Variants in TCAIM observed in about 807,000 individuals in gnomAD.
The protein encoded by TCAIM is T cell activation inhibitor, mitochondrial, also known as T-cell activation inhibitor, mitochondrial.
TCAIM carries 36 observed loss-of-function variants against 58.6 expected under a neutral mutation model. The observed-to-expected ratio is 0.61, with a 90% CI of 0.47 to 0.81. TCAIM has a LOEUF of 0.81. Ranked by LOEUF, TCAIM falls within the 30% of genes least tolerant of loss-of-function variation. The pLI, the probability that TCAIM is intolerant of heterozygous loss-of-function variation, is 0.00. For missense variants in TCAIM, 466 were observed against 579.6 expected (o/e 0.80, Z 2.01); for synonymous variants, 172 against 193.6 (o/e 0.89, Z 0.93).
intron 5 of TCAIM, among the ~76,000 whole-genome samples, chr3:44,380,647 A>C (rs1344224934): frequency 2.0e-5 from 3 of 152,174 alleles, no homozygotes; most frequent in African/African-American, 4.8e-5. Flanking sequence ...TAAAGATTAG[A>C]GCAGATAACC....
chr3:44,375,531 C>G (rs1410311335), intron 5 of TCAIM, among the ~76,000 whole-genome samples: 2 of 152,204 alleles, frequency 1.3e-5, no homozygotes, highest in Non-Finnish European at 2.9e-5. Flanking sequence ...AGTTCTGCCT[C>G]CATGACCCAA....
At chr3:44,378,395 A>C (rs575713966) in intron 5 of TCAIM, among the ~76,000 whole-genome samples, 25 of 149,310 alleles carry the variant, frequency 1.7e-4, no homozygotes, top group South Asian at 4.3e-4. Flanking sequence ...CTACCCCCCC[A>C]AAAAAAAAAT....
At chr3:44,374,887 T>G (rs1188709060) in intron 5 of TCAIM, among the ~76,000 whole-genome samples, 2 of 152,170 alleles carry the variant, frequency 1.3e-5, no homozygotes, top group Non-Finnish European at 2.9e-5. Flanking sequence ...AGTGTAAAAT[T>G]TATGCAATTT....
intron 6 of TCAIM, among the ~76,000 whole-genome samples, chr3:44,393,468 A>G (rs1701872357): frequency 2.0e-5 from 3 of 152,112 alleles, no homozygotes; most frequent in Admixed American, 1.3e-4. Context: ...CTCAATTTAT[A>G]TATATGTTAC....
intron 5 of TCAIM, among the ~76,000 whole-genome samples, chr3:44,374,252 A>G (rs192355012): frequency 2.9e-4 from 44 of 149,556 alleles, no homozygotes; most frequent in African/African-American, 9.6e-4. Flanking sequence ...CAATTTAGTG[A>G]CTCAGGACTA....
At chr3:44,344,023 CT>C (rs5848695) in intron 1 of TCAIM, among the ~76,000 whole-genome samples, 47,700 of 117,742 alleles carry the variant, frequency 0.41, 7,860 homozygotes, top group East Asian at 0.64. Flanking sequence ...GATGGAAATG[CT>C]TTTTTTTTTT....
intron 5 of TCAIM, among the ~76,000 whole-genome samples, chr3:44,375,177 C>T (rs1212870761): frequency 6.6e-6 from 1 of 151,884 alleles, no homozygotes; most frequent in African/African-American, 2.4e-5. Flanking sequence ...CATATTGCTG[C>T]AATTATAATG....
chr3:44,357,624 A>G, intron 2 of TCAIM, 117 bp from the exon 3 acceptor site: 5 of 1,309,700 alleles, frequency 3.8e-6, no homozygotes, highest in South Asian at 4.0e-5. Flanking sequence ...AAAACCACAA[A>G]GTATCTATCT....
chr3:44,352,974 T>C (rs920224571), intron 1 of TCAIM, among the ~76,000 whole-genome samples: 3 of 145,964 alleles, frequency 2.1e-5, no homozygotes, highest in Non-Finnish European at 3.0e-5. Context: ...CATACTGGAG[T>C]GCAAAGACGC....
chr3:44,367,687 C>T lies in TCAIM; in HGVS notation c.551C>T (p.Ser184Leu), dbSNP rs747783116. The change falls in exon 5 of 11, where the codon TCG (serine) becomes TTG (leucine). Residue 184 changes from serine to leucine, a missense_variant. By Grantham distance (145) the Ser-to-Leu change is moderately radical. Transcript: ENST00000342649. ...KDPDEDLEQV[S>L]RVETTLTSWL... Reference sequence around the variant, plus strand: ...CCTGATGAAGACCTTGAACAAGTCTCGAGAGTGGAAACAACTCTCACGTAT... The same window carrying T: ...CCTGATGAAGACCTTGAACAAGTCTTGAGAGTGGAAACAACTCTCACGTAT... The T allele has an allele frequency of 1.4e-5, 22 of 1,611,526 alleles. No homozygotes were observed. The highest frequency in any genetic ancestry group is 1.5e-5 in the Non-Finnish European group (18 of 1,178,278).
intron 1 of TCAIM, among the ~76,000 whole-genome samples, chr3:44,353,910 A>G (rs1410596664): frequency 1.3e-5 from 2 of 152,134 alleles, no homozygotes; most frequent in African/African-American, 4.8e-5. Context: ...TCTTTCACAG[A>G]GCAGAATTTT....
At chr3:44,377,690 A>T (rs1701588230) in intron 5 of TCAIM, among the ~76,000 whole-genome samples, 1 of 152,216 alleles carries the variant, frequency 6.6e-6, no homozygotes, top group South Asian at 2.1e-4. Context: ...CCAAAATGGG[A>T]TGAAGTTAGA....
In TCAIM at chr3:44,367,530, A is replaced by G; in HGVS notation, c.394A>G (p.Ser132Gly). 2 of 1,614,112 alleles carry G rather than the reference A, an allele frequency of 1.2e-6. No individual in the cohort carries two copies. Among genetic ancestry groups the G allele is most frequent in the Non-Finnish European group, 1.7e-6 (2 of 1,180,006 alleles). The change falls in exon 5 of 11, where the codon AGT becomes GGT. Residue 132 changes from serine (S) to glycine (G), a missense_variant. Coordinates refer to ENST00000342649, the MANE Select transcript of TCAIM (RefSeq NM_173826.4). ...AGTGTTATATATTCTCAACTCCTGC[A>G]GTTTATCTGTTGAACATATCCAAAG... ...STVLYILNSC[S>G]LSVEHIQSLN...
chr3:44,372,748 C>A (rs1011627991), intron 5 of TCAIM, among the ~76,000 whole-genome samples: 2 of 152,068 alleles, frequency 1.3e-5, no homozygotes, highest in Non-Finnish European at 2.9e-5. Flanking sequence ...CGCCTGCCAC[C>A]ACACCCGGCT....
intron 1 of TCAIM, among the ~76,000 whole-genome samples, chr3:44,344,875 G>A (rs374985417): frequency 3.4e-4 from 51 of 152,042 alleles, no homozygotes; most frequent in South Asian, 2.1e-4. Flanking sequence ...GTGCTCAGTC[G>A]GGGAGCTTCT....
chr3:44,399,635 T>G (rs1030519456), intron 8 of TCAIM, among the ~76,000 whole-genome samples: 9 of 152,170 alleles, frequency 5.9e-5, no homozygotes, highest in African/African-American at 2.2e-4. Context: ...TTTTCATGGT[T>G]CCATATTTGC....
chr3:44,407,720 G>T lies in TCAIM; in HGVS notation c.*38G>T. ...TTTTATTTTTTTAAGAGATAAGAAA[G>T]GAACTTAAATTAAAAATATTTAAAT... On this transcript the variant is annotated 3_prime_UTR_variant, in exon 11 of 11. Coordinates refer to ENST00000342649, the MANE Select transcript of TCAIM (RefSeq NM_173826.4). 6.6e-7 allele frequency: 1 copy of T among 1,513,736 alleles called. No homozygotes were observed. 93.8% of individuals were successfully genotyped at this position (1,513,736 alleles called of 1,614,324 possible).
chr3:44,394,908 AAAAAAAAAAAAAAATATATATATATAT>A (rs1435383060), intron 6 of TCAIM, among the ~76,000 whole-genome samples: 4 of 51,324 alleles, frequency 7.8e-5, no homozygotes, highest in African/African-American at 1.3e-4. Flanking sequence ...AAAAAAAAAA[AAAAAAAAAAAAAAATATATATATATAT>A]ATATATATAT....
Position 44,352,690 on chromosome 3 carries a change from TTTTGACAAAC to T in TCAIM, c.-44-2048_-44-2039del, listed in dbSNP as rs1701115487. Among the ~76,000 whole-genome samples the T allele has an allele frequency of 1.3e-5, 2 of 152,186 alleles. 1 individual carries two copies. The highest frequency in any genetic ancestry group is 2.9e-5 in the Non-Finnish European group (2 of 68,030). Reference sequence around the variant, plus strand: ...CACTTGGTGTTGTCCATTCTAAGGATTTTGACAAACGTTGACAAATGTTGCTTCCACCATT... The same window carrying T: ...CACTTGGTGTTGTCCATTCTAAGGATGTTGACAAATGTTGCTTCCACCATT... On this transcript the variant is annotated intron_variant, in intron 1 of 10. Coordinates refer to ENST00000342649, the MANE Select transcript of TCAIM (RefSeq NM_173826.4).
Sources: gnomAD v4.1 joint callset for allele counts (sites outside exome capture counted in the v4.1 genomes callset) on GRCh38, gnomAD v4.1.1 for gene constraint, MANE v1.5 for transcripts, NCBI Gene and HGNC (gene_info 2026-07-23, HGNC 2026-07-21) for gene names.